MAP3K4: variants seen among roughly 807,000 people sequenced by gnomAD.
MAP3K4 encodes mitogen-activated protein kinase kinase kinase 4, also known as MAP three kinase 1.
A neutral mutation model predicts 185.6 loss-of-function variants in MAP3K4; 67 were observed. The ratio of observed to expected loss-of-function variants is 0.36; its 90% CI spans 0.30 to 0.44. MAP3K4 has a LOEUF of 0.44. Ranked by LOEUF, MAP3K4 falls within the 20% of genes least tolerant of loss-of-function variation. MAP3K4 has a pLI of 1.00. For synonymous variants in MAP3K4, 702 were observed against 710.4 expected, an observed-to-expected ratio of 0.99 and a Z score of 0.19; for missense variants, 1,551 against 1,995.1, an observed-to-expected ratio of 0.78 and a Z score of 4.24.
rs1562517792 is a variant in MAP3K4, at chr6:161,067,320, A to C, written c.1708-3288A>C. 2.5e-6 allele frequency: 1 copy of C among 394,430 alleles called. No homozygotes were observed. The highest frequency in any genetic ancestry group is 1.9e-5 in the South Asian group (1 of 51,752). The allele number at this position is 394,430 out of a possible 1,614,324, so 24.4% of individuals were successfully genotyped here. On this transcript the variant is annotated intron_variant, in intron 3 of 26. Transcript: ENST00000392142. This position sits in a 1 kb window ranked among gnomAD's most constrained non-coding sequence, Gnocchi z 6.3. ...AGGTAGGTAAGAGACAAAACGTTAC[A>C]TTTTTTTGAATTTCTGATTAGCTTC...
At chr6:161,092,268 A>T in intron 13 of MAP3K4, 125 bp downstream of exon 13, 1 of 1,055,620 alleles carries the variant, frequency 9.5e-7, no homozygotes, top group Non-Finnish European at 1.3e-6. Context: ...CTCTTCGGTG[A>T]TCAGGTTTTT....
rs1174522876 is a variant in MAP3K4 at position 161,080,942 on chromosome 6, A to G, written c.2159A>G (p.His720Arg). 6 of 1,614,170 alleles carry G rather than the reference A, an allele frequency of 3.7e-6. No individual in the cohort carries two copies. Among genetic ancestry groups the G allele is most frequent in the Admixed American group, 3.3e-5 (2 of 60,028 alleles). Residue 720 changes from histidine to arginine, a missense_variant, in exon 6 of 27, where the codon CAT becomes CGT. Around this residue, in one of 16 missense-constraint regions of MAP3K4, gnomAD observed 130 missense variants for 171.3 expected, o/e 0.76. Coordinates refer to ENST00000392142, the MANE Select transcript of MAP3K4 (RefSeq NM_005922.4). This position sits in a 1 kb window ranked among gnomAD's most constrained non-coding sequence, Gnocchi z 4.8. ...CTACAGCAATTACCTCAAGCATCGCATAGTTTAAAAAATCTGTTAGAAGAA... is the reference window on the plus strand; with the variant it reads ...CTACAGCAATTACCTCAAGCATCGCGTAGTTTAAAAAATCTGTTAGAAGAA... ...QMLQQLPQASHSLKNLLEEEW... is the reference protein window; with the variant it reads ...QMLQQLPQASRSLKNLLEEEW...
chr6:161,024,002 A>G (rs1185219334), intron 1 of MAP3K4, among the ~76,000 whole-genome samples: 1 of 152,146 alleles, frequency 6.6e-6, no homozygotes, highest in Non-Finnish European at 1.5e-5. Context: ...AGTCTCACTC[A>G]GTTGCCCAGA....
chr6:161,092,840 TTAC>T, intron 13 of MAP3K4, 135 bp from the exon 14 acceptor site: 2 of 504,116 alleles, frequency 4.0e-6, no homozygotes, highest in Non-Finnish European at 7.2e-6. Context: ...CGCTGTAAAC[TTAC>T]TGAACCCAAG....
chr6:161,079,972 A>G (rs1174619999), intron 5 of MAP3K4, among the ~76,000 whole-genome samples: 2 of 152,210 alleles, frequency 1.3e-5, no homozygotes, highest in Non-Finnish European at 2.9e-5. Context: ...CCTAGGATAG[A>G]GAAAGGAATC....
rs1784636087 is a variant in MAP3K4 at position 161,064,865 on chromosome 6, T to C, written c.1708-5743T>C. ...GGCCGCTCATGCAGAGGTCAGGAAGTGCAGACAGGGAGAGAGGGAGGGACC... is the reference window on the plus strand; with the variant it reads ...GGCCGCTCATGCAGAGGTCAGGAAGCGCAGACAGGGAGAGAGGGAGGGACC... On this transcript the variant is annotated intron_variant, in intron 3 of 26. Coordinates refer to ENST00000392142, the MANE Select transcript of MAP3K4 (RefSeq NM_005922.4). The surrounding 1 kb of genome is among the most constrained non-coding windows in gnomAD (Gnocchi z 4.3). Among the ~76,000 whole-genome samples, 1 of 152,144 alleles carries C rather than the reference T, an allele frequency of 6.6e-6. No homozygotes were observed. Among genetic ancestry groups the C allele is most frequent in the Non-Finnish European group, 1.5e-5 (1 of 68,026 alleles).
chr6:160,997,795 G>T (rs1388468742), intron 1 of MAP3K4, among the ~76,000 whole-genome samples: 4 of 152,084 alleles, frequency 2.6e-5, no homozygotes, highest in African/African-American at 9.7e-5. Context: ...CAGATGCCAG[G>T]CCATAGGCAT....
At chr6:161,113,353 G>T (rs1449743117) in intron 25 of MAP3K4, among the ~76,000 whole-genome samples, 1 of 152,190 alleles carries the variant, frequency 6.6e-6, no homozygotes, top group Non-Finnish European at 1.5e-5. Context: ...AAAGATGAGT[G>T]GTTGCCAGGG....
At chr6:161,006,852 T>A (rs1343827072) in intron 1 of MAP3K4, among the ~76,000 whole-genome samples, 1 of 152,100 alleles carries the variant, frequency 6.6e-6, no homozygotes, top group Non-Finnish European at 1.5e-5. Flanking sequence ...AGTCCCGAGA[T>A]CTGCTTCTTG....
At position 161,063,826 on chromosome 6, in the gene MAP3K4, C is replaced by T. The variant is rs1311614417; in HGVS notation, c.1708-6782C>T. Among the ~76,000 whole-genome samples, 1 of 152,160 alleles carries T rather than the reference C, an allele frequency of 6.6e-6. No individual in the cohort carries two copies. Among genetic ancestry groups the T allele is most frequent in the Non-Finnish European group, 1.5e-5 (1 of 68,042 alleles). On this transcript the variant is annotated intron_variant, in intron 3 of 26. Coordinates refer to ENST00000392142, the MANE Select transcript of MAP3K4 (RefSeq NM_005922.4). This position sits in a 1 kb window ranked among gnomAD's most constrained non-coding sequence, Gnocchi z 5.4. Reference sequence around the variant, plus strand: ...GACTCTGTGAGCTTTTCATAGAGCACTCATCATGACTTGGGAATTGCCTCT... The same window carrying T: ...GACTCTGTGAGCTTTTCATAGAGCATTCATCATGACTTGGGAATTGCCTCT...
chr6:160,999,474 C>T (rs1199390580), intron 1 of MAP3K4, among the ~76,000 whole-genome samples: 1 of 152,170 alleles, frequency 6.6e-6, no homozygotes, highest in Non-Finnish European at 1.5e-5. Flanking sequence ...TAAACATTTG[C>T]TAATACAAGT....
intron 19 of MAP3K4, 23 bp downstream of exon 19, chr6:161,102,802 T>TAAA (rs397886595): frequency 1.1e-3 from 663 of 604,266 alleles, no homozygotes; most frequent in South Asian, 4.9e-3. Context: ...GTGTTGAAGT[T>TAAA]AAAAAAAAAA....
At position 161,061,478 on chromosome 6, in the gene MAP3K4, T is replaced by C. The variant is rs534236737; in HGVS notation, c.1708-9130T>C. Reference sequence around the variant, plus strand: ...GAGATATAATTCACTTAGCATAAAATTCACCATTTAAAGTGTTCAGTGGTT... The same window carrying C: ...GAGATATAATTCACTTAGCATAAAACTCACCATTTAAAGTGTTCAGTGGTT... On this transcript the variant is annotated intron_variant, in intron 3 of 26. Coordinates refer to ENST00000392142, the MANE Select transcript of MAP3K4 (RefSeq NM_005922.4). This position sits in a 1 kb window ranked among gnomAD's most constrained non-coding sequence, Gnocchi z 4.2. 8.5e-5 allele frequency among the ~76,000 whole-genome samples: 13 copies of C among 152,364 alleles called. No individual in the cohort carries two copies. In the Middle Eastern group the frequency reaches 0.01, roughly 120 times the overall value.
rs1778367651 is a variant in MAP3K4, at chr6:161,111,939, C to T, written c.4500C>T (p.Asn1500=). 3 of 1,613,962 alleles carry T rather than the reference C, an allele frequency of 1.9e-6. No homozygotes were observed. Among genetic ancestry groups the T allele is most frequent in the African/African-American group, 1.3e-5 (1 of 74,908 alleles). The part of the protein sequence containing the change: ...NNAQTMPGEV[N]STLGTAAYMA... ...CCCAGACCATGCCTGGTGAAGTGAACAGCACCCTGGGGACAGCAGGTAGGG... is the reference window on the plus strand; with the variant it reads ...CCCAGACCATGCCTGGTGAAGTGAATAGCACCCTGGGGACAGCAGGTAGGG... The change falls in exon 24 of 27, where the codon AAC becomes AAT. Residue 1500 remains asparagine (N), a synonymous_variant. Coordinates refer to ENST00000392142, the MANE Select transcript of MAP3K4 (RefSeq NM_005922.4).
intron 1 of MAP3K4, among the ~76,000 whole-genome samples, chr6:161,015,673 G>A (rs553785652): frequency 2.0e-5 from 3 of 152,248 alleles, no homozygotes; most frequent in East Asian, 1.9e-4. Context: ...CATGTGGCAC[G>A]GAGGAAGCAA....
chr6:161,104,509 C>G (rs991614330), intron 19 of MAP3K4, among the ~76,000 whole-genome samples: 1 of 151,158 alleles, frequency 6.6e-6, no homozygotes, highest in Non-Finnish European at 1.5e-5. Context: ...GTCAAGAGGT[C>G]GAAACCATCC....
In MAP3K4 at chr6:161,008,467, G is replaced by A. The variant is rs531273481; in HGVS notation, c.152+16384G>A. On this transcript the variant is annotated intron_variant, in intron 1 of 26. Transcript: ENST00000392142. The surrounding 1 kb of genome is among the most constrained non-coding windows in gnomAD (Gnocchi z 4.1). ...CAGAATTTTACATACCGAGTTTTAC[G>A]TATAATGGGAGCTGTATAAGCGTTG... Among the ~76,000 whole-genome samples the A allele has an allele frequency of 1.6e-4, 25 of 152,170 alleles. No individual in the cohort carries two copies. The highest frequency in any genetic ancestry group is 4.2e-4 in the South Asian group (2 of 4,810).
At chr6:161,027,619 A>C (rs189280532) in intron 1 of MAP3K4, among the ~76,000 whole-genome samples, 4 of 152,326 alleles carry the variant, frequency 2.6e-5, no homozygotes, top group Non-Finnish European at 5.9e-5. Flanking sequence ...TTGACTCGGA[A>C]CTTCCATCAG....
In MAP3K4 at chr6:161,089,120, G is replaced by A. The variant is rs957281252; in HGVS notation, c.2824-202G>A. Among the ~76,000 whole-genome samples, 6 of 152,206 alleles carry A rather than the reference G, an allele frequency of 3.9e-5. No individual in the cohort carries two copies. In the South Asian group the frequency reaches 8.3e-4, roughly 21 times the overall value. ...CTGCAGTCCCAAAGGGTTCTTCTCC[G>A]TGGTGCTGAATATCCCAGCTGTCAA... On this transcript the variant is annotated intron_variant, in intron 10 of 26. Coordinates refer to ENST00000392142, the MANE Select transcript of MAP3K4 (RefSeq NM_005922.4).
Sources: gnomAD v4.1 joint callset for allele counts (sites outside exome capture counted in the v4.1 genomes callset) on GRCh38, gnomAD v4.1.1 for gene constraint, gnomAD v4.1.1 regional missense constraint, Gnocchi (gnomAD v3.1) non-coding constraint, MANE v1.5 for transcripts, NCBI Gene and HGNC (gene_info 2026-07-23, HGNC 2026-07-21) for gene names.